Variants in DAB1 observed in about 807,000 individuals in gnomAD.
DAB1 encodes the protein DAB adaptor protein 1.
DAB1 carries 15 observed loss-of-function variants against 64.6 expected under a neutral mutation model. That is an observed-to-expected ratio of 0.23 (90% CI 0.16 to 0.36). DAB1 has a LOEUF of 0.36. DAB1 is among the 10% of genes least tolerant of loss of function. DAB1 has a pLI of 1.00. For missense variants in DAB1, 596 were observed against 706.7 expected (o/e 0.84, Z 1.78); for synonymous variants, 235 against 251.9 (o/e 0.93, Z 0.64).
chr1:58,169,844 C>A (rs183397365), intron 4 of DAB1, among the ~76,000 whole-genome samples: 23 of 152,246 alleles, frequency 1.5e-4, no homozygotes, highest in African/African-American at 5.1e-4. Flanking sequence ...CCCCTTCAAG[C>A]TGTAGGGGGA....
At chr1:57,175,891 T>C (rs1342265053) in intron 2 of DAB1, among the ~76,000 whole-genome samples, 1 of 152,224 alleles carries the variant, frequency 6.6e-6, no homozygotes, top group Non-Finnish European at 1.5e-5. Flanking sequence ...CTGAGTAGAC[T>C]GGATTTTCCC....
chr1:57,144,848 T>C (rs1195860395), intron 3 of DAB1, among the ~76,000 whole-genome samples: 1 of 152,176 alleles, frequency 6.6e-6, no homozygotes, highest in Admixed American at 6.5e-5. Context: ...CTTAAAGTGC[T>C]TGGGGTACAT....
chr1:57,576,620 G>T (rs551927762), intron 7 of DAB1, among the ~76,000 whole-genome samples: 1 of 152,218 alleles, frequency 6.6e-6, no homozygotes, highest in Admixed American at 6.5e-5. Context: ...CCTCGATTTT[G>T]GATTTTTTGG....
At chr1:57,649,122 T>A (rs552572409) in intron 7 of DAB1, among the ~76,000 whole-genome samples, 1 of 152,376 alleles carries the variant, frequency 6.6e-6, no homozygotes, top group African/African-American at 2.4e-5. Context: ...CTGTTTTCCA[T>A]GTTTCTGCAT....
chr1:57,261,206 C>G (rs1017305003), intron 2 of DAB1, among the ~76,000 whole-genome samples: 1 of 152,108 alleles, frequency 6.6e-6, no homozygotes, highest in African/African-American at 2.4e-5. Flanking sequence ...GCAAGAAACA[C>G]GGTCACGGTG....
chr1:58,113,548 G>A (rs1235239346), intron 5 of DAB1, among the ~76,000 whole-genome samples: 1 of 152,198 alleles, frequency 6.6e-6, no homozygotes, highest in Non-Finnish European at 1.5e-5. Context: ...TGTAATGAGA[G>A]TGTGTGTATG....
At chr1:57,233,370 C>A (rs1418787143) in intron 2 of DAB1, among the ~76,000 whole-genome samples, 1 of 143,546 alleles carries the variant, frequency 7.0e-6, no homozygotes, top group Non-Finnish European at 1.5e-5. Flanking sequence ...TCACGCCATT[C>A]TCCTGCCTCA....
At chr1:57,023,986 A>G (rs982477745) in intron 10 of DAB1, among the ~76,000 whole-genome samples, 3 of 152,034 alleles carry the variant, frequency 2.0e-5, no homozygotes, top group Admixed American at 6.6e-5. Flanking sequence ...CAGGTATCAA[A>G]TTTTCCATAA....
At chr1:57,303,615 T>C (rs188215343) in intron 1 of DAB1, among the ~76,000 whole-genome samples, 16 of 151,554 alleles carry the variant, frequency 1.1e-4, no homozygotes, top group Non-Finnish European at 1.9e-4. Context: ...CCAGCAGAAG[T>C]TGTGAGTTAG....
At chr1:58,049,072 C>T (rs2100522302) in intron 5 of DAB1, 1 of 786,514 alleles carries the variant, frequency 1.3e-6, no homozygotes, top group Non-Finnish European at 2.3e-6. Flanking sequence ...TGTGGCCTTG[C>T]ATTTGTGGCT....
At chr1:58,274,744 A>G (rs547285739) in intron 4 of DAB1, among the ~76,000 whole-genome samples, 1 of 152,242 alleles carries the variant, frequency 6.6e-6, no homozygotes, top group South Asian at 2.1e-4. Flanking sequence ...AAAGCGCAAT[A>G]TTCGGGTGGG....
chr1:57,262,163 T>C (rs1670229858), intron 2 of DAB1, among the ~76,000 whole-genome samples: 1 of 152,224 alleles, frequency 6.6e-6, no homozygotes, highest in Non-Finnish European at 1.5e-5. Context: ...AAGTTGAATC[T>C]ATTAATACCA....
Position 58,221,538 on chromosome 1 carries a change from C to T in DAB1, n.310-70950G>A, listed in dbSNP as rs61779230. Among the ~76,000 whole-genome samples, 836 of 152,278 alleles carry T rather than the reference C, an allele frequency of 5.5e-3. 3 individuals carry two copies. Among genetic ancestry groups the T allele is most frequent in the Non-Finnish European group, 7.3e-3 (494 of 68,022 alleles). On this transcript the variant is annotated intron_variant and non_coding_transcript_variant, in intron 4 of 20. Coordinates refer to the DAB1 transcript ENST00000485760. ...AGAAAACATCCCCAGCACATGGTGG[C>T]CTGGAAGCCTGCACACCAGGTGAGT... is the stretch of plus-strand genomic sequence containing the variant.
At chr1:57,031,782 T>C (rs1027913809) in intron 9 of DAB1, among the ~76,000 whole-genome samples, 3 of 152,256 alleles carry the variant, frequency 2.0e-5, no homozygotes, top group African/African-American at 7.2e-5. Flanking sequence ...TCATTTGGAA[T>C]GTCAGCTTGA....
chr1:58,223,787 A>T (rs1659311620), intron 4 of DAB1, among the ~76,000 whole-genome samples: 1 of 152,206 alleles, frequency 6.6e-6, no homozygotes, highest in South Asian at 2.1e-4. Context: ...AAAGTGCACG[A>T]TATTACTCTG....
intron 4 of DAB1, among the ~76,000 whole-genome samples, chr1:57,097,940 G>A (rs1335838374): frequency 1.3e-5 from 2 of 151,940 alleles, no homozygotes; most frequent in African/African-American, 4.8e-5. Context: ...GCCACGCTTG[G>A]CTAATTTTTT....
At chr1:58,490,655 T>A (rs1645664930) in intron 3 of DAB1, among the ~76,000 whole-genome samples, 2 of 151,828 alleles carry the variant, frequency 1.3e-5, no homozygotes, top group Middle Eastern at 3.2e-3. Context: ...TTCACCAAAG[T>A]TGAAATGAAG....
intron 6 of DAB1, among the ~76,000 whole-genome samples, chr1:57,819,139 A>G (rs1652004804): frequency 6.6e-6 from 1 of 152,232 alleles, no homozygotes; most frequent in African/African-American, 2.4e-5. Context: ...GGAACCTCCC[A>G]GATCATCAGT....
rs543240949 is a variant in DAB1 at position 57,137,032 on chromosome 1, A to C, written c.208-391T>G. On this transcript the variant is annotated intron_variant, in intron 3 of 14. Transcript: ENST00000371236. ...TAAATGAAGGTGAGCTGCTAAGTAT[A>C]TTCCTACATATAATTTTATTTTTTA... 8.2e-4 allele frequency among the ~76,000 whole-genome samples: 125 copies of C among 152,270 alleles called. 1 individual carries two copies. The highest frequency in any genetic ancestry group is 1.5e-3 in the Non-Finnish European group (103 of 68,002).
Sources: allele counts gnomAD v4.1 joint callset (sites outside exome capture counted in the v4.1 genomes callset), GRCh38; gene constraint gnomAD v4.1.1; transcripts MANE v1.5; gene names NCBI Gene and HGNC (gene_info 2026-07-23, HGNC 2026-07-21).